DERL1: variants seen among roughly 807,000 people sequenced by gnomAD.
DERL1 encodes derlin-1.
Under a neutral mutation model 41.6 loss-of-function variants are expected in DERL1, and 24 were observed. That is an observed-to-expected ratio of 0.58 (90% CI 0.42 to 0.81). The LOEUF is 0.81. Among genes scored for constraint, DERL1 ranks in the 30% least tolerant of loss-of-function variants. The pLI, the probability that DERL1 is intolerant of heterozygous loss-of-function variation, is 0.00. For missense variants in DERL1, 260 were observed against 314.3 expected, an observed-to-expected ratio of 0.83 and a Z score of 1.31; for synonymous variants, 124 against 112.5, an observed-to-expected ratio of 1.10 and a Z score of -0.65.
At position 123,015,191 on chromosome 8, in the gene DERL1, A is replaced by C. The variant is rs78225880; in HGVS notation, c.*256T>G. 1 of 397,128 alleles carries C rather than the reference A, an allele frequency of 2.5e-6. No homozygotes were observed. Among genetic ancestry groups the C allele is most frequent in the South Asian group, 5.6e-5 (1 of 17,800 alleles). 24.6% of individuals were successfully genotyped at this position (397,128 alleles called of 1,614,324 possible). On this transcript the variant is annotated 3_prime_UTR_variant, in exon 8 of 8. Coordinates refer to ENST00000259512, the MANE Select transcript of DERL1 (RefSeq NM_024295.6). ...AGACGGAAAGGGGAGAAGAGAAGAC[A>C]CCAAAAAATGTAGTCAGTTTTGCAA... is the stretch of plus-strand genomic sequence containing the variant.
chr8:123,013,615 G>A lies in DERL1; in HGVS notation c.*1832C>T, dbSNP rs907272515. The A allele has an allele frequency of 1.3e-5, 2 of 152,152 alleles. No individual in the cohort carries two copies. Among genetic ancestry groups the A allele is most frequent in the African/African-American group, 4.8e-5 (2 of 41,424 alleles). 9.4% of individuals were successfully genotyped at this position (152,152 alleles called of 1,614,324 possible). A position where few individuals can be genotyped will look rare whatever the true frequency, so the allele number is the denominator to read the frequency against. ...TGAACATTTTGCCCTGAACTGAAGA[G>A]TTCTAAATACTTGTAAACCTTTAGG... On this transcript the variant is annotated 3_prime_UTR_variant, in exon 8 of 8. Coordinates refer to ENST00000259512, the MANE Select transcript of DERL1 (RefSeq NM_024295.6).
At chr8:123,017,776 G>A (rs1195248279) in intron 7 of DERL1, 1 of 152,064 alleles carries the variant, frequency 6.6e-6, no homozygotes, top group African/African-American at 2.4e-5. Flanking sequence ...ACTGTTGGCT[G>A]CCCCCCAAAA....
chr8:123,042,213 G>A lies in DERL1; in HGVS notation c.-91C>T, dbSNP rs1027867301. ...GCGGCCGGCTCCGCGACTGTTAGGT[G>A]TCTAGGTGGAAGCCGCCGAAGCCGC... On this transcript the variant is annotated 5_prime_UTR_variant, in exon 1 of 8. Coordinates refer to ENST00000259512, the MANE Select transcript of DERL1 (RefSeq NM_024295.6). The A allele has an allele frequency of 3.5e-6, 5 of 1,423,558 alleles. No individual in the cohort carries two copies. In the African/African-American group the frequency reaches 4.4e-5, roughly 12 times the overall value. The allele number at this position is 1,423,558 out of a possible 1,614,324, so 88.2% of individuals were successfully genotyped here.
At chr8:123,017,536 A>G (rs1267008923) in intron 7 of DERL1, 4 of 152,140 alleles carry the variant, frequency 2.6e-5, no homozygotes, top group Admixed American at 6.5e-5. Flanking sequence ...AATCAACAAA[A>G]ATTTATGGTA....
intron 2 of DERL1, among the ~76,000 whole-genome samples, chr8:123,028,171 T>C (rs971375639): frequency 1.3e-5 from 2 of 152,002 alleles, no homozygotes; most frequent in Admixed American, 6.5e-5. Context: ...AATTCTGAAA[T>C]ATTTACAAAT....
At chr8:123,022,927 T>C (rs1395635945) in intron 4 of DERL1, 148 bp from the exon 5 acceptor site, 1 of 562,060 alleles carries the variant, frequency 1.8e-6, no homozygotes, top group East Asian at 2.8e-5. Context: ...ATTGATCCTA[T>C]TATTTATCAT....
Position 123,021,454 on chromosome 8 carries a change from C to A in DERL1, c.499G>T (p.Gly167Ter). Residue 167 changes from glycine to a stop codon, truncating the protein, a stop_gained, in exon 6 of 8, where the codon GGA becomes TGA. Coordinates refer to ENST00000259512, the MANE Select transcript of DERL1 (RefSeq NM_024295.6). LOFTEE classifies it high-confidence loss of function. Reference sequence around the variant, plus strand: ...AAATCTAATATCACTTACGAGCCTCCGATGATATAGTTGAATCCAAGGATA... The same window carrying A: ...AAATCTAATATCACTTACGAGCCTCAGATGATATAGTTGAATCCAAGGATA... ...WVILGFNYIIGGSVINELIGN... is the reference protein window; with the variant it reads ...WVILGFNYII 2 of 1,613,336 alleles carry A rather than the reference C, an allele frequency of 1.2e-6. No individual in the cohort carries two copies. Among genetic ancestry groups the A allele is most frequent in the Non-Finnish European group, 1.7e-6 (2 of 1,179,406 alleles).
intron 7 of DERL1, chr8:123,018,954 T>A: frequency 2.0e-6 from 1 of 498,640 alleles, no homozygotes; most frequent in Non-Finnish European, 3.6e-6. Flanking sequence ...AGATGCCTCC[T>A]GTAATGTTGG....
At chr8:123,027,586 T>C (rs987247042) in intron 2 of DERL1, among the ~76,000 whole-genome samples, 2 of 152,030 alleles carry the variant, frequency 1.3e-5, no homozygotes, top group Non-Finnish European at 2.9e-5. Flanking sequence ...AGTTGTTGAG[T>C]AGGGAATGAG....
At chr8:123,020,796 C>A (rs369834419) in intron 6 of DERL1, among the ~76,000 whole-genome samples, 66,260 of 112,256 alleles carry the variant, frequency 0.59, 20,495 homozygotes, top group East Asian at 0.72. Flanking sequence ...CTAAAAATCC[C>A]AAAAAAAAAA....
In DERL1 at chr8:123,022,475, A is replaced by G. The variant is rs187936728; in HGVS notation, c.453+209T>C. 2.0e-5 allele frequency among the ~76,000 whole-genome samples: 3 copies of G among 147,338 alleles called. No individual in the cohort carries two copies. The East Asian group carries it at 6.1e-4, about 30-fold the overall frequency. ...GACATAACCTTGAGGGGCCCGAGGT[A>G]CAGAGGGAGTGAAGAAACAAAGGCC... On this transcript the variant is annotated intron_variant, in intron 5 of 7. Coordinates refer to ENST00000259512, the MANE Select transcript of DERL1 (RefSeq NM_024295.6).
At chr8:123,016,967 G>C (rs1814591806) in intron 7 of DERL1, 1 of 152,172 alleles carries the variant, frequency 6.6e-6, no homozygotes, top group Non-Finnish European at 1.5e-5. Flanking sequence ...AGCCTCCCGA[G>C]TAGCTGGGAC....
At position 123,019,278 on chromosome 8, in the gene DERL1, C is replaced by T; in HGVS notation, c.534G>A (p.Leu178=). Reference sequence around the variant, plus strand: ...TTAGGAAAAAATAAAGATGTCCAACCAGATTTCCAATAAGCTCATTGATTA... The same window carrying T: ...TTAGGAAAAAATAAAGATGTCCAACTAGATTTCCAATAAGCTCATTGATTA... ...GSVINELIGN[L]VGHLYFFLMF... The change falls in exon 7 of 8, where the codon CTG becomes CTA. Residue 178 remains leucine, a synonymous_variant. Transcript: ENST00000259512. The T allele has an allele frequency of 6.2e-7, 1 of 1,613,964 alleles. No individual in the cohort carries two copies. The highest frequency in any genetic ancestry group is 8.5e-7 in the Non-Finnish European group (1 of 1,179,904).
At chr8:123,030,863 GAA>G (rs908395242) in intron 1 of DERL1, 147 bp from the exon 2 acceptor site, 2 of 628,798 alleles carry the variant, frequency 3.2e-6, no homozygotes, top group Non-Finnish European at 5.6e-6. Context: ...AACAACTGAA[GAA>G]AAGTGTTCAC....
chr8:123,031,326 C>A (rs1812812060), intron 1 of DERL1, among the ~76,000 whole-genome samples: 1 of 152,124 alleles, frequency 6.6e-6, no homozygotes, highest in South Asian at 2.1e-4. Flanking sequence ...AGGCAGATCA[C>A]CTGAGGTCAA....
At chr8:123,030,842 C>T (rs1041407136) in intron 1 of DERL1, 126 bp from the exon 2 acceptor site, 2 of 665,934 alleles carry the variant, frequency 3.0e-6, no homozygotes, top group African/African-American at 1.9e-5. Flanking sequence ...CCTACCAACA[C>T]AACTCAAGAA....
intron 7 of DERL1, chr8:123,015,827 CTGAA>C: frequency 2.4e-6 from 1 of 410,700 alleles, no homozygotes. Context: ...AATTCACACT[CTGAA>C]CGTTTTTTTC....
chr8:123,027,615 C>T (rs1264619200), intron 2 of DERL1, among the ~76,000 whole-genome samples: 19 of 152,112 alleles, frequency 1.2e-4, no homozygotes, highest in Admixed American at 1.2e-3. Context: ...TTATAAAAAT[C>T]AAAGCAAATA....
rs373279214 is a variant in DERL1, at chr8:123,021,395, T to C, written c.506+52A>G. Reference sequence around the variant, plus strand: ...AAGGTTAGAGAAAGATAAAAACTAATGGAAATTTTCCAAGGATTAGTTTCC... The same window carrying C: ...AAGGTTAGAGAAAGATAAAAACTAACGGAAATTTTCCAAGGATTAGTTTCC... On this transcript the variant is annotated intron_variant, in intron 6 of 7. Coordinates refer to ENST00000259512, the MANE Select transcript of DERL1 (RefSeq NM_024295.6). The C allele has an allele frequency of 1.3e-3, 2,019 of 1,528,494 alleles. 2 individuals carry two copies. Among genetic ancestry groups the C allele is most frequent in the Non-Finnish European group, 1.7e-3 (1,901 of 1,102,744 alleles). 94.7% of individuals were successfully genotyped at this position (1,528,494 alleles called of 1,614,324 possible). A position where few individuals can be genotyped will look rare whatever the true frequency, so the allele number is the denominator to read the frequency against.
Sources: gnomAD v4.1 joint callset for allele counts (sites outside exome capture counted in the v4.1 genomes callset) on GRCh38, gnomAD v4.1.1 for gene constraint, MANE v1.5 for transcripts, NCBI Gene and HGNC (gene_info 2026-07-23, HGNC 2026-07-21) for gene names.